The following MTA3 variants were observed in gnomAD, a reference collection of about 807,000 sequenced individuals.
MTA3 encodes the protein metastasis-associated protein MTA3.
Under a neutral mutation model 83.5 loss-of-function variants are expected in MTA3, and 34 were observed. The observed-to-expected ratio is 0.41, with a 90% confidence interval of 0.31 to 0.54. The LOEUF (loss-of-function observed/expected upper bound fraction) is 0.54, where lower values mean the gene tolerates loss of function less well. Ranked by LOEUF, MTA3 falls within the 20% of genes least tolerant of loss-of-function variation. The pLI is 0.33. For missense variants in MTA3, 761 were observed against 726.4 expected (o/e 1.05, Z -0.55); for synonymous variants, 303 against 252.7 (o/e 1.20, Z -1.89).
intron 8 of MTA3, among the ~76,000 whole-genome samples, chr2:42,664,466 C>CT (rs35633597): frequency 0.016 from 1,350 of 85,742 alleles, 483 homozygotes; most frequent in Middle Eastern, 0.033. Flanking sequence ...CCCCGCTTAC[C>CT]TTTTTTTTTT....
chr2:42,703,083 C>G (rs1182800470), intron 11 of MTA3: 1 of 152,324 alleles, frequency 6.6e-6, no homozygotes. Context: ...CCCTAGCCTT[C>G]TGAGTAGCTG....
intron 3 of MTA3, among the ~76,000 whole-genome samples, chr2:42,599,600 G>A (rs919982685): frequency 6.6e-6 from 1 of 151,680 alleles, no homozygotes; most frequent in Admixed American, 6.6e-5. Flanking sequence ...CAAAAAAAAA[G>A]AAAAGAGTAG....
intron 16 of MTA3, among the ~76,000 whole-genome samples, chr2:42,741,174 T>C (rs1669001114): frequency 6.6e-6 from 1 of 152,238 alleles, no homozygotes; most frequent in Non-Finnish European, 1.5e-5. Flanking sequence ...TTCAAACTTT[T>C]CTTCTCCAGC....
At chr2:42,751,264 A>AC (rs1669852545) in intron 16 of MTA3, among the ~76,000 whole-genome samples, 1 of 152,224 alleles carries the variant, frequency 6.6e-6, no homozygotes, top group African/African-American at 2.4e-5. Context: ...AAACAAACAA[A>AC]AAAATAAGTG....
At chr2:42,505,233 A>T (rs777366181) in intron 2 of MTA3, among the ~76,000 whole-genome samples, 1 of 152,076 alleles carries the variant, frequency 6.6e-6, no homozygotes, top group Non-Finnish European at 1.5e-5. Context: ...TCTACTAAAA[A>T]TACAAAAAAT....
intron 2 of MTA3, among the ~76,000 whole-genome samples, chr2:42,540,944 T>A (rs1228839118): frequency 6.6e-6 from 1 of 152,088 alleles, no homozygotes; most frequent in African/African-American, 2.4e-5. Flanking sequence ...CTACACATGG[T>A]CCCTGACTTA....
At chr2:42,657,630 A>G (rs1316642486) in intron 7 of MTA3, among the ~76,000 whole-genome samples, 1 of 151,994 alleles carries the variant, frequency 6.6e-6, no homozygotes, top group Non-Finnish European at 1.5e-5. Flanking sequence ...TATTTGTTTT[A>G]AAAAATAATC....
chr2:42,647,384 C>G (rs1049772032), intron 6 of MTA3, among the ~76,000 whole-genome samples: 3 of 151,754 alleles, frequency 2.0e-5, no homozygotes, highest in Admixed American at 6.6e-5. Context: ...CCACCATGCC[C>G]AGCTAATTTT....
chr2:42,717,128 T>G (rs1009710407), intron 14 of MTA3, among the ~76,000 whole-genome samples: 1 of 5,314 alleles, frequency 1.9e-4, no homozygotes. Context: ...CAGAAAAGAG[T>G]TTTTTTTTTT....
chr2:42,617,881 G>A (rs969138415), intron 4 of MTA3, among the ~76,000 whole-genome samples: 1 of 151,940 alleles, frequency 6.6e-6, no homozygotes, highest in Non-Finnish European at 1.5e-5. Context: ...TCGCTTGACA[G>A]TATGGCTGGT....
intron 2 of MTA3, among the ~76,000 whole-genome samples, chr2:42,517,337 C>T (rs1476457988): frequency 1.3e-5 from 2 of 151,656 alleles, no homozygotes; most frequent in African/African-American, 4.8e-5. Context: ...TTTGGGAGGC[C>T]GAGGCAGGTG....
At chr2:42,681,990 T>C (rs925486525) in intron 8 of MTA3, among the ~76,000 whole-genome samples, 1 of 152,086 alleles carries the variant, frequency 6.6e-6, no homozygotes, top group African/African-American at 2.4e-5. Flanking sequence ...GAGGATCAGT[T>C]GAGCCCAGGA....
chr2:42,647,006 A>C (rs990047377), intron 6 of MTA3, among the ~76,000 whole-genome samples: 1 of 151,272 alleles, frequency 6.6e-6, no homozygotes, highest in Non-Finnish European at 1.5e-5. Context: ...AATACAAAAA[A>C]TTAGCCGGGC....
At chr2:42,664,574 A>C (rs900062453) in intron 8 of MTA3, among the ~76,000 whole-genome samples, 8 of 142,134 alleles carry the variant, frequency 5.6e-5, no homozygotes, top group African/African-American at 2.1e-4. Context: ...CCTGGGTTCA[A>C]GTGTTTCTCC....
chr2:42,563,392 C>T (rs1677755104), intron 2 of MTA3, among the ~76,000 whole-genome samples: 2 of 152,148 alleles, frequency 1.3e-5, no homozygotes, highest in Admixed American at 6.5e-5. Context: ...TGGTCTCAAA[C>T]TACTGACTTC....
chr2:42,519,492 A>T (rs1367981683), intron 2 of MTA3, among the ~76,000 whole-genome samples: 2 of 151,880 alleles, frequency 1.3e-5, no homozygotes, highest in Non-Finnish European at 2.9e-5. Flanking sequence ...TGTAGTCCCA[A>T]CTACTTGGGA....
At chr2:42,737,651 A>G (rs1028208705) in intron 16 of MTA3, among the ~76,000 whole-genome samples, 1 of 152,026 alleles carries the variant, frequency 6.6e-6, no homozygotes, top group African/African-American at 2.4e-5. Context: ...CTTTTCATGT[A>G]CTTTATATCA....
At chr2:42,508,745 ATAT>A (rs981698426) in intron 2 of MTA3, among the ~76,000 whole-genome samples, 7 of 146,574 alleles carry the variant, frequency 4.8e-5, no homozygotes, top group South Asian at 2.1e-4. Flanking sequence ...TATATTTATA[ATAT>A]TATATATTAT....
intron 8 of MTA3, among the ~76,000 whole-genome samples, chr2:42,672,757 A>G (rs1345344542): frequency 6.6e-6 from 1 of 151,260 alleles, no homozygotes; most frequent in Non-Finnish European, 1.5e-5. Context: ...GCTAAGCCTT[A>G]GCAAGTTTGT....
Sources: gnomAD v4.1 joint callset for allele counts (sites outside exome capture counted in the v4.1 genomes callset) on GRCh38, gnomAD v4.1.1 for gene constraint, MANE v1.5 for transcripts, NCBI Gene and HGNC (gene_info 2026-07-23, HGNC 2026-07-21) for gene names.